Variants in NEBL observed in about 807,000 individuals in gnomAD.
NEBL encodes LIM and SH3 protein 2.
A neutral mutation model predicts 140.2 loss-of-function variants in NEBL; 122 were observed. The ratio of observed to expected loss-of-function variants is 0.87; its 90% confidence interval spans 0.75 to 1.01. The LOEUF (loss-of-function observed/expected upper bound fraction) is 1.01, where lower values mean the gene tolerates loss of function less well. NEBL is among the 50% of genes least tolerant of loss of function. NEBL has a pLI of 0.00. For missense variants in NEBL, 1,365 were observed against 1,231.3 expected (o/e 1.11, Z -1.62); for synonymous variants, 436 against 398.9 (o/e 1.09, Z -1.11).
intron 2 of NEBL, among the ~76,000 whole-genome samples, chr10:21,050,741 A>G (rs1834741668): frequency 6.6e-6 from 1 of 152,200 alleles, no homozygotes; most frequent in African/African-American, 2.4e-5. Flanking sequence ...TAGTAGAAGA[A>G]AAGCTATGAA....
intron 3 of NEBL, among the ~76,000 whole-genome samples, chr10:20,975,432 G>T (rs1836750952): frequency 6.6e-6 from 1 of 152,056 alleles, no homozygotes; most frequent in Non-Finnish European, 1.5e-5. Flanking sequence ...CATTGCCAAT[G>T]AGCCAGGTGG....
chr10:21,035,660 G>C (rs1490730010), intron 2 of NEBL, among the ~76,000 whole-genome samples: 1 of 152,066 alleles, frequency 6.6e-6, no homozygotes, highest in Non-Finnish European at 1.5e-5. Flanking sequence ...CAGGATAATG[G>C]CATAGGAAGA....
At chr10:21,225,499 G>A (rs955657333) in intron 3 of NEBL, among the ~76,000 whole-genome samples, 3 of 152,132 alleles carry the variant, frequency 2.0e-5, no homozygotes, top group African/African-American at 7.2e-5. Context: ...CCCCAGGCAG[G>A]TCCAGAGATG....
intron 2 of NEBL, among the ~76,000 whole-genome samples, chr10:21,102,973 TC>T (rs543369508): frequency 1.1e-5 from 1 of 93,118 alleles, no homozygotes. Flanking sequence ...ATGTTCTCCC[TC>T]CCCCCACCCC....
chr10:21,161,239 C>T (rs930570899), intron 2 of NEBL, among the ~76,000 whole-genome samples: 1 of 151,466 alleles, frequency 6.6e-6, no homozygotes, highest in Non-Finnish European at 1.5e-5. Context: ...GCTATGTTGC[C>T]CAGGCTGGTC....
chr10:21,051,860 G>T (rs1052135783), intron 2 of NEBL, among the ~76,000 whole-genome samples: 2 of 152,078 alleles, frequency 1.3e-5, no homozygotes, highest in Non-Finnish European at 2.9e-5. Flanking sequence ...TGTTCCTTAA[G>T]TATTTAATTT....
At chr10:21,281,967 C>T (rs12252629) in intron 1 of NEBL, among the ~76,000 whole-genome samples, 6,149 of 152,226 alleles carry the variant, frequency 0.04, 377 homozygotes, top group African/African-American at 0.14. Flanking sequence ...GAAGGTACAA[C>T]AAACAAAAGA....
At chr10:21,165,953 A>G (rs189130082) in intron 2 of NEBL, among the ~76,000 whole-genome samples, 3 of 152,248 alleles carry the variant, frequency 2.0e-5, no homozygotes, top group Middle Eastern at 3.4e-3. Context: ...TTCAATCACC[A>G]CTTCCAATAA....
chr10:21,243,719 G>A lies in NEBL; in HGVS notation n.348+4202C>T, dbSNP rs190892300. On this transcript the variant is annotated intron_variant and non_coding_transcript_variant, in intron 3 of 8. Transcript: ENST00000675702. ...TTTATCCCCATGAGGTAGGGGGATT[G>A]AACATTTGCAAATTTCAACCTGCGC... is the stretch of plus-strand genomic sequence containing the variant. 5.9e-5 allele frequency among the ~76,000 whole-genome samples: 9 copies of A among 152,300 alleles called. No homozygotes were observed. In the East Asian group the frequency reaches 9.7e-4, roughly 16 times the overall value.
At chr10:20,791,817 AAAG>A (rs1414506749) in intron 26 of NEBL, among the ~76,000 whole-genome samples, 1 of 152,228 alleles carries the variant, frequency 6.6e-6, no homozygotes, top group Non-Finnish European at 1.5e-5. Flanking sequence ...GAGTACTCAA[AAAG>A]AAGTTCACTG....
chr10:21,206,918 T>C (rs1841834724), intron 3 of NEBL, among the ~76,000 whole-genome samples: 1 of 152,004 alleles, frequency 6.6e-6, no homozygotes, highest in Non-Finnish European at 1.5e-5. Context: ...AATTCCAATG[T>C]TGGGGATCCT....
intron 26 of NEBL, among the ~76,000 whole-genome samples, chr10:20,806,634 C>G (rs1008193575): frequency 2.0e-5 from 3 of 152,204 alleles, no homozygotes; most frequent in Non-Finnish European, 4.4e-5. Flanking sequence ...GTTTAAGTGT[C>G]TGCTAAATGT....
chr10:21,264,026 G>C (rs1355772363), intron 1 of NEBL, among the ~76,000 whole-genome samples: 2 of 152,198 alleles, frequency 1.3e-5, no homozygotes, highest in Non-Finnish European at 2.9e-5. Flanking sequence ...GTAGGAGGGA[G>C]GGTGGTGCAG....
rs996343298 is a variant in NEBL at position 20,908,486 on chromosome 10, A to G, written c.357+53186T>C. Among the ~76,000 whole-genome samples, 10 of 152,188 alleles carry G rather than the reference A, an allele frequency of 6.6e-5. No homozygotes were observed. The East Asian group carries it at 7.7e-4, about 12-fold the overall frequency. On this transcript the variant is annotated intron_variant, in intron 4 of 6. Coordinates refer to the NEBL transcript ENST00000417816. ...GAAGCAACAGGAAAGGCAGGCCATA[A>G]TGAAAGCATTATGAGGATCCTTGAT...
intron 2 of NEBL, among the ~76,000 whole-genome samples, chr10:21,058,425 C>T (rs1835128298): frequency 6.6e-6 from 1 of 152,008 alleles, no homozygotes; most frequent in Non-Finnish European, 1.5e-5. Flanking sequence ...ACACACAAAA[C>T]AGCTTCAATT....
chr10:21,136,680 A>G (rs540764347), intron 2 of NEBL, among the ~76,000 whole-genome samples: 5 of 152,176 alleles, frequency 3.3e-5, no homozygotes, highest in African/African-American at 4.8e-5. Flanking sequence ...CTACGGCTGG[A>G]CAAAGCTCGC....
chr10:21,127,481 G>A (rs749298849), intron 2 of NEBL, among the ~76,000 whole-genome samples: 4 of 151,886 alleles, frequency 2.6e-5, no homozygotes, highest in Non-Finnish European at 5.9e-5. Context: ...ACTCACTGAA[G>A]TTGGGACAGA....
At chr10:21,247,395 A>G (rs749734885) in intron 3 of NEBL, among the ~76,000 whole-genome samples, 9 of 152,224 alleles carry the variant, frequency 5.9e-5, no homozygotes, top group Non-Finnish European at 1.3e-4. Context: ...GACATTCGCT[A>G]GAAGACAAAA....
chr10:20,943,414 G>A (rs1241042655), intron 4 of NEBL, among the ~76,000 whole-genome samples: 1 of 152,170 alleles, frequency 6.6e-6, no homozygotes, highest in Non-Finnish European at 1.5e-5. Flanking sequence ...CACAGGAAGG[G>A]GAACATCACA....
Sources: allele counts gnomAD v4.1 joint callset (sites outside exome capture counted in the v4.1 genomes callset), GRCh38; gene constraint gnomAD v4.1.1; transcripts MANE v1.5; gene names NCBI Gene and HGNC (gene_info 2026-07-23, HGNC 2026-07-21).